The following AGBL1 variants were observed in gnomAD, a reference collection of about 807,000 sequenced individuals.
AGBL1 encodes the protein cytosolic carboxypeptidase 4.
A neutral mutation model predicts 118.9 loss-of-function variants in AGBL1; 130 were observed. The ratio of observed to expected loss-of-function variants is 1.09; its 90% CI spans 0.95 to 1.26. The LOEUF is 1.26. AGBL1 is among the 50% of genes most tolerant of loss of function. The pLI is 0.00. For synonymous variants in AGBL1, 555 were observed against 478.9 expected (o/e 1.16, Z -2.08); for missense variants, 1,584 against 1,298.1 (o/e 1.22, Z -3.38).
At chr15:86,208,753 A>G (rs2078039249) in intron 5 of AGBL1, among the ~76,000 whole-genome samples, 1 of 151,860 alleles carries the variant, frequency 6.6e-6, no homozygotes, top group Non-Finnish European at 1.5e-5. Context: ...AATTATGTTG[A>G]TGTTTTCAAA....
chr15:86,250,938 G>A (rs1484118664), intron 7 of AGBL1, among the ~76,000 whole-genome samples: 2 of 152,220 alleles, frequency 1.3e-5, no homozygotes, highest in Non-Finnish European at 2.9e-5. Context: ...TGCTGCTGCT[G>A]CTGCTATTGC....
chr15:87,026,782 T>C (rs996755180), intron 24 of AGBL1, among the ~76,000 whole-genome samples: 2 of 152,048 alleles, frequency 1.3e-5, no homozygotes, highest in Non-Finnish European at 2.9e-5. Context: ...GTGGTATATA[T>C]ACACAGTGGA....
intron 21 of AGBL1, among the ~76,000 whole-genome samples, chr15:86,661,111 C>G (rs763504864): frequency 6.6e-6 from 1 of 152,164 alleles, no homozygotes; most frequent in Non-Finnish European, 1.5e-5. Flanking sequence ...TAAGTATACA[C>G]GTCCCAAAGT....
chr15:86,522,272 G>C (rs1344305569), intron 18 of AGBL1, among the ~76,000 whole-genome samples: 1 of 152,126 alleles, frequency 6.6e-6, no homozygotes, highest in Non-Finnish European at 1.5e-5. Context: ...GAGAGAACAG[G>C]GTTAGAAGCA....
chr15:86,544,399 C>T (rs1262268092), intron 19 of AGBL1, among the ~76,000 whole-genome samples: 1 of 152,168 alleles, frequency 6.6e-6, no homozygotes, highest in African/African-American at 2.4e-5. Flanking sequence ...TTTGCTCAGT[C>T]TTATTGACCA....
At chr15:87,013,289 A>C (rs991396784) in intron 24 of AGBL1, among the ~76,000 whole-genome samples, 1 of 152,152 alleles carries the variant, frequency 6.6e-6, no homozygotes, top group Non-Finnish European at 1.5e-5. Context: ...GCTGGATGAA[A>C]CAAAGCCAGC....
chr15:86,958,951 G>T (rs1407432523), intron 23 of AGBL1, among the ~76,000 whole-genome samples: 1 of 152,026 alleles, frequency 6.6e-6, no homozygotes, highest in Non-Finnish European at 1.5e-5. Context: ...TTACAGTAAG[G>T]TACCATATAT....
At chr15:86,797,635 C>A (rs1188567928) in intron 22 of AGBL1, among the ~76,000 whole-genome samples, 1 of 151,412 alleles carries the variant, frequency 6.6e-6, no homozygotes, top group Admixed American at 6.6e-5. Flanking sequence ...TTAAATATTT[C>A]TATGGAAGAA....
At chr15:86,863,993 T>A (rs914586092) in intron 22 of AGBL1, among the ~76,000 whole-genome samples, 6 of 152,182 alleles carry the variant, frequency 3.9e-5, no homozygotes, top group Non-Finnish European at 8.8e-5. Flanking sequence ...GATACAATTA[T>A]TAACAATGAC....
intron 21 of AGBL1, among the ~76,000 whole-genome samples, chr15:86,633,845 AATG>A (rs1416545532): frequency 2.4e-5 from 1 of 42,486 alleles, no homozygotes; most frequent in Non-Finnish European, 3.9e-5. Flanking sequence ...ATATATATAT[AATG>A]TATATATATA....
chr15:86,335,933 C>T (rs1025691808), intron 17 of AGBL1, among the ~76,000 whole-genome samples: 5 of 152,288 alleles, frequency 3.3e-5, no homozygotes, highest in South Asian at 4.1e-4. Flanking sequence ...GGTTTTATTT[C>T]GATAAGCTTC....
At chr15:86,402,131 A>G (rs1311265609) in intron 18 of AGBL1, among the ~76,000 whole-genome samples, 1 of 151,532 alleles carries the variant, frequency 6.6e-6, no homozygotes. Flanking sequence ...TTTTTTCAGC[A>G]GTGTTTTGTT....
Position 86,183,314 on chromosome 15 carries a change from A to G in AGBL1, c.488+24288A>G, listed in dbSNP as rs2077578833. ...CTATGACATATCAGTAAGTTTTTTA[A>G]TTCCATAGAATCTTTAAATGCCTTA... On this transcript the variant is annotated intron_variant, in intron 5 of 22. Transcript: ENST00000614907. Among the ~76,000 whole-genome samples the G allele has an allele frequency of 2.6e-5, 4 of 152,176 alleles. No individual in the cohort carries two copies. The South Asian group carries it at 8.3e-4, about 32-fold the overall frequency.
intron 22 of AGBL1, among the ~76,000 whole-genome samples, chr15:86,836,594 C>T (rs1328512097): frequency 6.6e-6 from 1 of 152,118 alleles, no homozygotes; most frequent in Non-Finnish European, 1.5e-5. Context: ...TCCTTCAAGC[C>T]ATACAATACC....
chr15:86,980,779 A>G (rs895331163), intron 23 of AGBL1, among the ~76,000 whole-genome samples: 2 of 151,752 alleles, frequency 1.3e-5, no homozygotes, highest in Admixed American at 1.3e-4. Flanking sequence ...AACTCAAATT[A>G]TATATTATTT....
intron 1 of AGBL1, chr15:86,107,589 A>G (rs1488194319): frequency 6.6e-6 from 1 of 152,136 alleles, no homozygotes; most frequent in Non-Finnish European, 1.5e-5. Flanking sequence ...ATTCTACCAA[A>G]ATGTTGAGCT....
At chr15:86,253,769 C>T (rs2142006429) in intron 7 of AGBL1, among the ~76,000 whole-genome samples, 1 of 152,230 alleles carries the variant, frequency 6.6e-6, no homozygotes, top group Middle Eastern at 3.4e-3. Context: ...ACCAAATTCA[C>T]CATCTTAACT....
At chr15:86,876,084 C>G (rs918896896) in intron 22 of AGBL1, among the ~76,000 whole-genome samples, 6 of 152,296 alleles carry the variant, frequency 3.9e-5, no homozygotes, top group Middle Eastern at 3.4e-3. Context: ...GTAGCCACCT[C>G]AAGTTTGATC....
In AGBL1 at chr15:86,326,677, T is replaced by C. The variant is rs116862323; in HGVS notation, c.2374+31269T>C. ...GATTGAGGGAGGTATATGTTGCTTG[T>C]TGTTGTTAATTTTTTACTTGTTTGT... is the stretch of plus-strand genomic sequence containing the variant. On this transcript the variant is annotated intron_variant, in intron 17 of 22. Transcript: ENST00000614907. 3.9e-3 allele frequency among the ~76,000 whole-genome samples: 589 copies of C among 152,320 alleles called. 2 individuals carry two copies. The highest frequency in any genetic ancestry group is 5.5e-3 in the Non-Finnish European group (375 of 68,024).
Sources: allele counts gnomAD v4.1 joint callset (sites outside exome capture counted in the v4.1 genomes callset), GRCh38; gene constraint gnomAD v4.1.1; transcripts MANE v1.5; gene names NCBI Gene and HGNC (gene_info 2026-07-23, HGNC 2026-07-21).